CADM2: variants seen among roughly 807,000 people sequenced by gnomAD.
CADM2 encodes immunoglobulin superfamily member 4D.
CADM2 carries 12 observed loss-of-function variants against 49.8 expected under a neutral mutation model. That is an observed-to-expected ratio of 0.24 (90% CI 0.15 to 0.39). The LOEUF is 0.39. CADM2 is among the 10% of genes least tolerant of loss of function. The pLI is 1.00. For synonymous variants in CADM2, 214 were observed against 175.4 expected, an observed-to-expected ratio of 1.22 and a Z score of -1.74; for missense variants, 378 against 492.3, an observed-to-expected ratio of 0.77 and a Z score of 2.20.
intron 1 of CADM2, among the ~76,000 whole-genome samples, chr3:85,054,336 G>T (rs1372432935): frequency 6.6e-6 from 1 of 151,798 alleles, no homozygotes; most frequent in Non-Finnish European, 1.5e-5. Context: ...AAATGGAAAG[G>T]AGGAAAAATA....
chr3:85,528,599 A>G (rs1180035403), intron 1 of CADM2, among the ~76,000 whole-genome samples: 1 of 152,210 alleles, frequency 6.6e-6, no homozygotes, highest in Admixed American at 6.5e-5. Context: ...TAAGTCTGGC[A>G]TGTAATATTT....
intron 1 of CADM2, among the ~76,000 whole-genome samples, chr3:85,530,409 C>T (rs549565126): frequency 1.7e-5 from 2 of 114,954 alleles, no homozygotes; most frequent in African/African-American, 2.8e-5. Flanking sequence ...CGGCTCACTG[C>T]GAGCTCCGCC....
At chr3:85,099,750 A>T (rs13063356) in intron 1 of CADM2, among the ~76,000 whole-genome samples, 1 of 151,834 alleles carries the variant, frequency 6.6e-6, no homozygotes, top group East Asian at 1.9e-4. Context: ...GATTACAGGC[A>T]TGAGCCACCG....
rs1465347896 is a variant in CADM2, at chr3:85,371,044, A to G, written c.62-355478A>G. Among the ~76,000 whole-genome samples the G allele has an allele frequency of 2.0e-5, 3 of 152,324 alleles. No homozygotes were observed. In the East Asian group the frequency reaches 5.8e-4, roughly 29 times the overall value. On this transcript the variant is annotated intron_variant, in intron 1 of 9. Transcript: ENST00000383699. ...ATACAGGTGTATAACGTGTTGTGTT[A>G]TAAGTAAAATGGTAGAAAAAAGTCA...
intron 1 of CADM2, among the ~76,000 whole-genome samples, chr3:85,634,714 G>C (rs1231142691): frequency 6.6e-6 from 1 of 151,996 alleles, no homozygotes; most frequent in Non-Finnish European, 1.5e-5. Flanking sequence ...TATTATCAAT[G>C]TGTACTTGAC....
intron 6 of CADM2, among the ~76,000 whole-genome samples, chr3:85,935,118 T>C (rs1001299257): frequency 9.2e-5 from 14 of 152,126 alleles, no homozygotes; most frequent in African/African-American, 3.4e-4. Flanking sequence ...CTAGGGATGA[T>C]TTATTGTTAA....
intron 1 of CADM2, among the ~76,000 whole-genome samples, chr3:84,975,027 G>A (rs1311249187): frequency 6.6e-6 from 1 of 151,690 alleles, no homozygotes; most frequent in African/African-American, 2.4e-5. Context: ...ATTGCATTAA[G>A]TTTTTAAACA....
chr3:85,492,989 G>A (rs2039740122), intron 1 of CADM2, among the ~76,000 whole-genome samples: 1 of 152,018 alleles, frequency 6.6e-6, no homozygotes, highest in Admixed American at 6.6e-5. Context: ...GGATCTAAAG[G>A]GAATGTCAGT....
chr3:85,176,454 C>A (rs1484512942), intron 1 of CADM2, among the ~76,000 whole-genome samples: 1 of 152,078 alleles, frequency 6.6e-6, no homozygotes, highest in Non-Finnish European at 1.5e-5. Context: ...AAATGAGATT[C>A]TTTTAGATGA....
At chr3:85,612,813 G>C (rs559755886) in intron 1 of CADM2, among the ~76,000 whole-genome samples, 1 of 151,638 alleles carries the variant, frequency 6.6e-6, no homozygotes, top group African/African-American at 2.4e-5. Context: ...GCAAATTTTT[G>C]TTATTACCAT....
intron 2 of CADM2, among the ~76,000 whole-genome samples, chr3:85,766,694 T>C: frequency 6.6e-6 from 1 of 152,198 alleles, no homozygotes; most frequent in East Asian, 1.9e-4. Flanking sequence ...AGATATATTT[T>C]CCTGAAATGC....
chr3:85,806,211 G>A (rs1265980346), intron 3 of CADM2, among the ~76,000 whole-genome samples: 2 of 150,834 alleles, frequency 1.3e-5, no homozygotes, highest in Non-Finnish European at 3.0e-5. Context: ...AGGAAAGAAG[G>A]AAGGAAGGAA....
At chr3:85,912,849 T>C (rs1717800101) in intron 6 of CADM2, among the ~76,000 whole-genome samples, 1 of 152,082 alleles carries the variant, frequency 6.6e-6, no homozygotes, top group Non-Finnish European at 1.5e-5. Flanking sequence ...TTGAGCAAAA[T>C]CACTGAGAAT....
intron 1 of CADM2, among the ~76,000 whole-genome samples, chr3:85,042,715 A>G (rs557347218): frequency 6.6e-6 from 1 of 152,296 alleles, no homozygotes; most frequent in Non-Finnish European, 1.5e-5. Context: ...ATAGCTGCAT[A>G]TGGATATTAG....
At chr3:85,794,178 T>A (rs563662952) in intron 2 of CADM2, among the ~76,000 whole-genome samples, 17 of 152,314 alleles carry the variant, frequency 1.1e-4, no homozygotes, top group African/African-American at 4.1e-4. Flanking sequence ...CTTTAAGGTT[T>A]TTATGATTTA....
chr3:85,108,651 G>A (rs185285790), intron 1 of CADM2, among the ~76,000 whole-genome samples: 2 of 151,838 alleles, frequency 1.3e-5, no homozygotes, highest in East Asian at 1.9e-4. Flanking sequence ...CCTAAAAATG[G>A]TTAAAACAGT....
intron 1 of CADM2, among the ~76,000 whole-genome samples, chr3:85,384,746 G>A (rs982265298): frequency 1.4e-4 from 21 of 151,592 alleles, no homozygotes; most frequent in African/African-American, 5.1e-4. Context: ...TTTTCCATGG[G>A]TATGTGGCTT....
At chr3:85,260,605 G>A (rs1458280775) in intron 1 of CADM2, among the ~76,000 whole-genome samples, 2 of 152,098 alleles carry the variant, frequency 1.3e-5, no homozygotes, top group African/African-American at 2.4e-5. Flanking sequence ...TTCACAGTTG[G>A]TTTTCCACCT....
intron 7 of CADM2, 61 bp downstream of exon 7, chr3:85,935,918 C>G (rs1389544390): frequency 1.1e-6 from 1 of 910,704 alleles, no homozygotes; most frequent in African/African-American, 1.7e-5. Flanking sequence ...GCTTTGATTA[C>G]AGCCTTTAAC....
Sources: allele counts gnomAD v4.1 joint callset (sites outside exome capture counted in the v4.1 genomes callset), GRCh38; gene constraint gnomAD v4.1.1; transcripts MANE v1.5; gene names NCBI Gene and HGNC (gene_info 2026-07-23, HGNC 2026-07-21).